CDH13: variants seen among roughly 807,000 people sequenced by gnomAD.
The protein encoded by CDH13 is cadherin 13.
Under a neutral mutation model 63.8 loss-of-function variants are expected in CDH13, and 24 were observed. The ratio of observed to expected loss-of-function variants is 0.38; its 90% CI spans 0.27 to 0.53. CDH13 has a LOEUF of 0.53. Ranked by LOEUF, CDH13 falls within the 20% of genes least tolerant of loss-of-function variation. The pLI, the probability that CDH13 is intolerant of heterozygous loss-of-function variation, is 0.85. For synonymous variants in CDH13, 503 were observed against 355.3 expected, an observed-to-expected ratio of 1.42 and a Z score of -4.67; for missense variants, 1,049 against 903.1, an observed-to-expected ratio of 1.16 and a Z score of -2.07.
intron 6 of CDH13, among the ~76,000 whole-genome samples, chr16:83,446,660 C>T (rs1025923299): frequency 7.9e-5 from 12 of 152,084 alleles, no homozygotes; most frequent in South Asian, 6.2e-4. Flanking sequence ...ATCAAAGGAA[C>T]GAGCTCCAGA....
chr16:82,638,002 A>G (rs1416524160), intron 1 of CDH13, among the ~76,000 whole-genome samples: 3 of 152,240 alleles, frequency 2.0e-5, no homozygotes, highest in Non-Finnish European at 4.4e-5. Flanking sequence ...ATAATTACAA[A>G]TGTGGTAATT....
intron 5 of CDH13, among the ~76,000 whole-genome samples, chr16:83,254,290 A>T (rs905504482): frequency 2.6e-5 from 4 of 152,214 alleles, no homozygotes; most frequent in Non-Finnish European, 5.9e-5. Context: ...GCTTAGCATC[A>T]TGATCGTTCC....
intron 1 of CDH13, among the ~76,000 whole-genome samples, chr16:82,847,734 C>G (rs974152358): frequency 1.3e-5 from 2 of 152,178 alleles, no homozygotes; most frequent in East Asian, 1.9e-4. Flanking sequence ...ATTAAAGCTT[C>G]CCAGTGACCG....
At chr16:83,274,796 G>C (rs1211930243) in intron 5 of CDH13, among the ~76,000 whole-genome samples, 1 of 152,156 alleles carries the variant, frequency 6.6e-6, no homozygotes, top group Non-Finnish European at 1.5e-5. Flanking sequence ...ACCTCCATGG[G>C]TGTGAACTAT....
chr16:82,695,036 G>A (rs1159728720), intron 1 of CDH13, among the ~76,000 whole-genome samples: 1 of 152,130 alleles, frequency 6.6e-6, no homozygotes, highest in Non-Finnish European at 1.5e-5. Flanking sequence ...GAGGAGCTAA[G>A]TATCCCAAGG....
rs371612755 is a variant in CDH13 at position 83,345,032 on chromosome 16, C to T, written c.781+26C>T. ...GTATGTCACATTGGCTTACCTTTAG[C>T]GTAATGGCTTGGAAAGAGGCACACT... On this transcript the variant is annotated intron_variant, in intron 6 of 13. Coordinates refer to ENST00000567109, the MANE Select transcript of CDH13 (RefSeq NM_001257.5). The T allele has an allele frequency of 7.6e-5, 122 of 1,609,328 alleles. 1 individual carries two copies. In the East Asian group the frequency reaches 1.3e-3, roughly 17 times the overall value.
chr16:83,133,440 C>A (rs575584151), intron 4 of CDH13, among the ~76,000 whole-genome samples: 1 of 151,876 alleles, frequency 6.6e-6, no homozygotes, highest in East Asian at 1.9e-4. Context: ...ATATGGCTCA[C>A]GTATTTTTAT....
chr16:83,758,054 G>A (rs891464128), intron 11 of CDH13, among the ~76,000 whole-genome samples: 9 of 149,082 alleles, frequency 6.0e-5, no homozygotes, highest in Non-Finnish European at 3.0e-5. Flanking sequence ...AAAAAGAAAA[G>A]AAGAAAATCT....
At chr16:83,377,920 C>T (rs188290552) in intron 6 of CDH13, among the ~76,000 whole-genome samples, 28 of 152,082 alleles carry the variant, frequency 1.8e-4, no homozygotes, top group Non-Finnish European at 3.7e-4. Context: ...GAGAAAGTAC[C>T]CCTCTGGAAA....
At chr16:83,083,928 G>A (rs1440785273) in intron 3 of CDH13, among the ~76,000 whole-genome samples, 1 of 152,194 alleles carries the variant, frequency 6.6e-6, no homozygotes, top group Non-Finnish European at 1.5e-5. Context: ...CTCCAGGTAA[G>A]TCTCACTATC....
At chr16:83,685,614 T>C (rs2150882471) in intron 10 of CDH13, among the ~76,000 whole-genome samples, 1 of 152,240 alleles carries the variant, frequency 6.6e-6, no homozygotes, top group Middle Eastern at 3.4e-3. Context: ...GCAAGAACTT[T>C]TGCTGCAAAT....
intron 6 of CDH13, among the ~76,000 whole-genome samples, chr16:83,357,040 T>C (rs1317146606): frequency 6.6e-6 from 1 of 152,184 alleles, no homozygotes; most frequent in African/African-American, 2.4e-5. Context: ...AAAAGGCTTC[T>C]AACATGGATG....
chr16:83,398,020 T>C (rs958788122), intron 6 of CDH13: 8 of 152,124 alleles, frequency 5.3e-5, no homozygotes, highest in African/African-American at 7.2e-5. Flanking sequence ...GGGGAAAAAA[T>C]ACCCATGTCT....
At chr16:82,818,821 A>C (rs1282275893) in intron 1 of CDH13, among the ~76,000 whole-genome samples, 1 of 152,206 alleles carries the variant, frequency 6.6e-6, no homozygotes, top group Non-Finnish European at 1.5e-5. Flanking sequence ...ATATGTCTGC[A>C]TACAAACACC....
intron 7 of CDH13, among the ~76,000 whole-genome samples, chr16:83,517,476 G>A (rs973590188): frequency 7.2e-5 from 11 of 152,204 alleles, no homozygotes; most frequent in African/African-American, 2.2e-4. Context: ...AGCATGTGGA[G>A]CACTGGCCTC....
Position 83,554,858 on chromosome 16 carries a change from G to C in CDH13, c.961-47596G>C, listed in dbSNP as rs2075572167. ...AACATTTGTCTTTCTTTACCTCCCT[G>C]CACACACATACAAAGTTACTGCAGC... On this transcript the variant is annotated intron_variant, in intron 7 of 13. Transcript: ENST00000567109. Among the ~76,000 whole-genome samples the C allele has an allele frequency of 3.3e-5, 5 of 150,616 alleles. No homozygotes were observed. In the South Asian group the frequency reaches 1.1e-3, roughly 32 times the overall value.
chr16:83,257,972 G>C (rs1289641906), intron 5 of CDH13, among the ~76,000 whole-genome samples: 2 of 152,168 alleles, frequency 1.3e-5, no homozygotes, highest in Non-Finnish European at 2.9e-5. Flanking sequence ...TAACTGGTGT[G>C]AGATGGTATC....
chr16:83,017,045 T>C (rs1322492687), intron 2 of CDH13, among the ~76,000 whole-genome samples: 1 of 152,220 alleles, frequency 6.6e-6, no homozygotes, highest in Non-Finnish European at 1.5e-5. Flanking sequence ...ATAAAAGTTA[T>C]AGACAGATCA....
chr16:83,115,348 A>T (rs1478858696), intron 3 of CDH13, among the ~76,000 whole-genome samples: 1 of 152,182 alleles, frequency 6.6e-6, no homozygotes, highest in Non-Finnish European at 1.5e-5. Flanking sequence ...GGCATGTAAT[A>T]AATACTCAAT....
Sources: gnomAD v4.1 joint callset for allele counts (sites outside exome capture counted in the v4.1 genomes callset) on GRCh38, gnomAD v4.1.1 for gene constraint, MANE v1.5 for transcripts, NCBI Gene and HGNC (gene_info 2026-07-23, HGNC 2026-07-21) for gene names.